Variants in TMPRSS6 observed in about 807,000 individuals in gnomAD.
TMPRSS6 encodes the protein transmembrane serine protease 6, also known as transmembrane protease serine 6.
Under a neutral mutation model 101.5 loss-of-function variants are expected in TMPRSS6, and 67 were observed. The observed-to-expected ratio is 0.66, with a 90% confidence interval of 0.54 to 0.81. The LOEUF (loss-of-function observed/expected upper bound fraction) is 0.81. TMPRSS6 is among the 30% of genes least tolerant of loss of function. TMPRSS6 has a pLI of 0.00. For missense variants in TMPRSS6, 1,034 were observed against 1,088.7 expected, an observed-to-expected ratio of 0.95 and a Z score of 0.71; for synonymous variants, 453 against 464.9, an observed-to-expected ratio of 0.97 and a Z score of 0.33.
chr22:37,068,982 A>AC (rs1926590810), intron 16 of TMPRSS6, 91 bp downstream of exon 16: 18 of 1,496,080 alleles, frequency 1.2e-5, no homozygotes, highest in Admixed American at 2.2e-5. Context: ...GAGCCCCGGG[A>AC]CCCCCAGCCC....
chr22:37,089,536 C>A, intron 7 of TMPRSS6, 42 bp downstream of exon 7: 1 of 1,535,554 alleles, frequency 6.5e-7, no homozygotes, highest in East Asian at 2.3e-5. Context: ...CAACCACTCC[C>A]TTTTCCAGCC....
intron 8 of TMPRSS6, among the ~76,000 whole-genome samples, 181 bp from the exon 9 acceptor site, chr22:37,085,020 A>G (rs1027723427): frequency 9.2e-5 from 14 of 152,170 alleles, no homozygotes; most frequent in African/African-American, 3.4e-4. Context: ...AATAGCACAC[A>G]CCTCATAGGG....
intron 6 of TMPRSS6, among the ~76,000 whole-genome samples, chr22:37,093,958 G>A (rs2146142936): frequency 6.6e-6 from 1 of 152,156 alleles, no homozygotes; most frequent in Admixed American, 6.5e-5. Context: ...GGGAGGTGGA[G>A]GTTGCAATGA....
chr22:37,068,647 T>C (rs757861223), intron 16 of TMPRSS6: 13 of 779,688 alleles, frequency 1.7e-5, no homozygotes, highest in Middle Eastern at 2.3e-4. Context: ...GGTTTCTCCA[T>C]CCATAAAATA....
chr22:37,081,096 G>T (rs1928231022), intron 10 of TMPRSS6, among the ~76,000 whole-genome samples: 1 of 152,234 alleles, frequency 6.6e-6, no homozygotes, highest in Non-Finnish European at 1.5e-5. Context: ...ACTGGTCTGT[G>T]AAGGCAGTAC....
rs149027057 is a variant in TMPRSS6, at chr22:37,066,224, A to G, written c.2265T>C (p.Gly755=). Residue 755 remains glycine, a synonymous_variant, in exon 18 of 18, where the codon GGT becomes GGC. Coordinates refer to ENST00000676104, the MANE Select transcript of TMPRSS6 (RefSeq NM_001374504.1). The part of the protein sequence containing the change: ...KKDACQGDSG[G]PLVCKALSGR... Reference sequence around the variant, plus strand: ...CACTGAGTGCCTTGCACACCAGCGGACCACCTGAGTCACCCTGAAAGGGGG... The same window carrying G: ...CACTGAGTGCCTTGCACACCAGCGGGCCACCTGAGTCACCCTGAAAGGGGG... The G allele has an allele frequency of 7.4e-6, 12 of 1,611,822 alleles. No homozygotes were observed. The African/African-American group carries it at 1.2e-4, about 16-fold the overall frequency.
chr22:37,095,486 AC>A, intron 6 of TMPRSS6, 64 bp downstream of exon 6: 2 of 1,596,914 alleles, frequency 1.3e-6, no homozygotes, highest in Non-Finnish European at 1.7e-6. Context: ...CCCCTGATAC[AC>A]AACAAAGTCA....
chr22:37,071,161 G>A, intron 13 of TMPRSS6, 129 bp from the exon 14 acceptor site: 1 of 821,072 alleles, frequency 1.2e-6, no homozygotes, highest in Non-Finnish European at 2.0e-6. Context: ...CTTTTCCTGA[G>A]TCTCCTTTAG....
intron 10 of TMPRSS6, 121 bp from the exon 11 acceptor site, chr22:37,075,401 C>T (rs1298553447): frequency 5.2e-6 from 7 of 1,357,708 alleles, no homozygotes; most frequent in South Asian, 2.6e-5. Context: ...TGTGCCTCCT[C>T]TGCCCTGATT....
At chr22:37,094,016 C>G (rs1019741419) in intron 6 of TMPRSS6, among the ~76,000 whole-genome samples, 2 of 149,364 alleles carry the variant, frequency 1.3e-5, no homozygotes, top group African/African-American at 5.1e-5. Context: ...GAGTGAGACT[C>G]TGTTATATAT....
At position 37,095,884 on chromosome 22, in the gene TMPRSS6, C is replaced by T. The variant is rs200821075; in HGVS notation, c.589+22G>A. On this transcript the variant is annotated intron_variant, in intron 5 of 17. Transcript: ENST00000676104. ...CCCCAACCTCATGAGGCCAACCCCA[C>T]GTTTCCACTCGCAGTACTGACCCAG... is the stretch of plus-strand genomic sequence containing the variant. 33 of 1,613,802 alleles carry T rather than the reference C, an allele frequency of 2.0e-5. No homozygotes were observed. The East Asian group carries it at 2.7e-4, about 13-fold the overall frequency.
chr22:37,101,529 C>A lies in TMPRSS6; in HGVS notation c.202+1687G>T, dbSNP rs552404738. Reference sequence around the variant, plus strand: ...CTCTTCCAGACAGGGCAGGGCGTGTCTCTGATCCACTTCCTTGCCCAGCGC... The same window carrying A: ...CTCTTCCAGACAGGGCAGGGCGTGTATCTGATCCACTTCCTTGCCCAGCGC... On this transcript the variant is annotated intron_variant, in intron 2 of 17. Coordinates refer to ENST00000676104, the MANE Select transcript of TMPRSS6 (RefSeq NM_001374504.1). The surrounding 1 kb of genome is among the most constrained non-coding windows in gnomAD (Gnocchi z 4.1). Among the ~76,000 whole-genome samples the A allele has an allele frequency of 6.6e-6, 1 of 152,218 alleles. No individual in the cohort carries two copies. The highest frequency in any genetic ancestry group is 1.9e-4 in the East Asian group (1 of 5,176).
chr22:37,073,124 A>C (rs552827460), intron 13 of TMPRSS6, among the ~76,000 whole-genome samples: 1 of 103,408 alleles, frequency 9.7e-6, no homozygotes, highest in African/African-American at 4.2e-5. Context: ...CGGATGGATG[A>C]TGGATGGGTG....
intron 4 of TMPRSS6, 104 bp from the exon 5 acceptor site, chr22:37,096,194 G>T: frequency 7.6e-7 from 1 of 1,313,694 alleles, no homozygotes; most frequent in East Asian, 2.4e-5. Context: ...CTCAGCCATT[G>T]CTGTCCGTCT....
At position 37,070,634 on chromosome 22, in the gene TMPRSS6, G is replaced by T. The variant is rs146052190; in HGVS notation, c.1691C>A (p.Pro564His). Residue 564 changes from proline to histidine, a missense_variant, in exon 15 of 18, where the codon CCC becomes CAC. Coordinates refer to ENST00000676104, the MANE Select transcript of TMPRSS6 (RefSeq NM_001374504.1). ...EEHCDCGLQG[P>H]SSRIVGGAVS... ...AGCTCCACCAACAATGCGGCTGGAGGGGCCCTGGAGGCCACAGTCTGGGGA... is the reference window on the plus strand; with the variant it reads ...AGCTCCACCAACAATGCGGCTGGAGTGGCCCTGGAGGCCACAGTCTGGGGA... 5.0e-6 allele frequency: 8 copies of T among 1,612,890 alleles called. No individual in the cohort carries two copies. In the African/African-American group the frequency reaches 9.3e-5, roughly 19 times the overall value.
Position 37,070,464 on chromosome 22 carries a change from C to A in TMPRSS6, c.1841+20G>T, listed in dbSNP as rs768995937. The A allele has an allele frequency of 1.2e-6, 2 of 1,613,300 alleles. No homozygotes were observed. The highest frequency in any genetic ancestry group is 3.3e-5 in the Admixed American group (2 of 60,026). ...TGCCCTTGTCTCTTACTGCCTAGGC[C>A]CCCACACCCTCCCGCTCACCTGTCC... On this transcript the variant is annotated intron_variant, in intron 15 of 17. Transcript: ENST00000676104.
chr22:37,084,046 G>A (rs958149985), intron 10 of TMPRSS6: 2 of 594,118 alleles, frequency 3.4e-6, no homozygotes, highest in African/African-American at 3.7e-5. Context: ...AACATCCAAG[G>A]TGTCTGATGA....
intron 1 of TMPRSS6, among the ~76,000 whole-genome samples, chr22:37,104,141 T>A (rs1242153749): frequency 1.3e-5 from 2 of 152,216 alleles, no homozygotes; most frequent in Non-Finnish European, 2.9e-5. Flanking sequence ...CTTCACCTGC[T>A]TTATCTCACT....
intron 10 of TMPRSS6, among the ~76,000 whole-genome samples, chr22:37,082,155 G>A (rs1437758698): frequency 6.6e-6 from 1 of 152,186 alleles, no homozygotes; most frequent in African/African-American, 2.4e-5. Flanking sequence ...GACCCCATCT[G>A]TGGACCCATC....
Sources: gnomAD v4.1 joint callset for allele counts (sites outside exome capture counted in the v4.1 genomes callset) on GRCh38, gnomAD v4.1.1 for gene constraint, Gnocchi (gnomAD v3.1) non-coding constraint, MANE v1.5 for transcripts, NCBI Gene and HGNC (gene_info 2026-07-23, HGNC 2026-07-21) for gene names.